DEAF1: variants seen among roughly 807,000 people sequenced by gnomAD.
DEAF1 encodes the protein DEAF1 transcription factor.
A neutral mutation model predicts 58.9 loss-of-function variants in DEAF1; 53 were observed. That is an observed-to-expected ratio of 0.90 (90% CI 0.72 to 1.13). The LOEUF is 1.13. DEAF1 is among the 50% of genes most tolerant of loss of function. The pLI is 0.00. For missense variants in DEAF1, 685 were observed against 791.4 expected, an observed-to-expected ratio of 0.87 and a Z score of 1.61; for synonymous variants, 385 against 340.4, an observed-to-expected ratio of 1.13 and a Z score of -1.44.
chr11:693,240 G>C (rs1339547266), intron 1 of DEAF1, among the ~76,000 whole-genome samples: 1 of 152,172 alleles, frequency 6.6e-6, no homozygotes, highest in Non-Finnish European at 1.5e-5. Flanking sequence ...GTGCAAAAAT[G>C]ACAAAAACCT....
rs899164495 is a variant in DEAF1 at position 679,597 on chromosome 11, C to G, written c.1126+91G>C. The G allele has an allele frequency of 3.2e-6, 5 of 1,583,980 alleles. No individual in the cohort carries two copies. In the East Asian group the frequency reaches 1.1e-4, roughly 35 times the overall value. ...TCAAGGCCCCTCTCGAGGCACCCAGCAGCCTATGCAGCCCAATGTGGCGTC... is the reference window on the plus strand; with the variant it reads ...TCAAGGCCCCTCTCGAGGCACCCAGGAGCCTATGCAGCCCAATGTGGCGTC... On this transcript the variant is annotated intron_variant, in intron 8 of 11. Transcript: ENST00000382409.
chr11:677,521 G>A (rs527608789), intron 9 of DEAF1, among the ~76,000 whole-genome samples: 1 of 106,542 alleles, frequency 9.4e-6, no homozygotes, highest in South Asian at 3.6e-4. Context: ...AATGAAACAA[G>A]CAAATGAAAA....
chr11:670,931 G>GTTTTTT (rs558436376), intron 10 of DEAF1, among the ~76,000 whole-genome samples: 42,940 of 90,540 alleles, frequency 0.47, 12,782 homozygotes, highest in East Asian at 0.73. Context: ...CCTGGCTAAT[G>GTTTTTT]TTTTTTTTTT....
At chr11:699,921 A>G, upstream of DEAF1, 1 of 550,316 alleles carries the variant, frequency 1.8e-6, no homozygotes, top group Non-Finnish European at 3.3e-6. Context: ...TTGTTGTGGC[A>G]TGGAGGGGGG....
chr11:660,927 C>T (rs1231070833), intron 10 of DEAF1, among the ~76,000 whole-genome samples: 1 of 152,214 alleles, frequency 6.6e-6, no homozygotes, highest in Non-Finnish European at 1.5e-5. Flanking sequence ...AGCGGCTGCT[C>T]TGGGGTCTGT....
At chr11:702,663 AC>A (rs1186662576) in intron 1 of DEAF1, among the ~76,000 whole-genome samples, 2 of 152,130 alleles carry the variant, frequency 1.3e-5, no homozygotes, top group African/African-American at 2.4e-5. Flanking sequence ...AACCAAATTC[AC>A]CCCCGCCCAC....
rs751217884 is a variant in DEAF1 at position 688,447 on chromosome 11, G to C, written c.401C>G (p.Ala134Gly). The C allele has an allele frequency of 1.2e-6, 2 of 1,613,796 alleles. No homozygotes were observed. Among genetic ancestry groups the C allele is most frequent in the Non-Finnish European group, 1.7e-6 (2 of 1,180,020 alleles). Reference protein sequence around the residue: ...ISGHVLSGRTALQIGDSLNTE... With the variant: ...ISGHVLSGRTGLQIGDSLNTE... The stretch of plus-strand genomic sequence containing the variant: ...GTTCAGGCTGTCCCCGATCTGAAGG[G>C]CCGTCCTACCAGACTAGAAGGAAAA... The change falls in exon 3 of 12, where the codon GCC (alanine) becomes GGC (glycine). Residue 134 changes from alanine (A) to glycine (G), a missense_variant. Ala to Gly is a moderately conservative substitution (Grantham distance 60). Around this residue, in one of 3 missense-constraint regions of DEAF1, gnomAD observed 132 missense variants for 234.3 expected, o/e 0.56. Coordinates refer to ENST00000382409, the MANE Select transcript of DEAF1 (RefSeq NM_021008.4). This position sits in a 1 kb window ranked among gnomAD's most constrained non-coding sequence, Gnocchi z 4.3.
intron 11 of DEAF1, among the ~76,000 whole-genome samples, chr11:653,283 C>G (rs190953466): frequency 1.6e-3 from 206 of 130,514 alleles, no homozygotes; most frequent in Non-Finnish European, 2.0e-3. Context: ...GTGGAGGGCT[C>G]AATAATAGAG....
At chr11:702,489 C>T (rs749251155) in intron 1 of DEAF1, among the ~76,000 whole-genome samples, 1 of 152,158 alleles carries the variant, frequency 6.6e-6, no homozygotes, top group Non-Finnish European at 1.5e-5. Flanking sequence ...GTGACTGACC[C>T]ATTTGTTTGC....
intron 10 of DEAF1, among the ~76,000 whole-genome samples, chr11:663,673 A>G (rs1283116613): frequency 6.7e-6 from 1 of 149,270 alleles, no homozygotes; most frequent in Non-Finnish European, 1.5e-5. Flanking sequence ...TTCCTCCTCC[A>G]ACTCCTCAGC....
intron 7 of DEAF1, 67 bp from the exon 8 acceptor site, chr11:679,883 AC>A: frequency 6.2e-7 from 1 of 1,600,284 alleles, no homozygotes; most frequent in African/African-American, 1.3e-5. Flanking sequence ...GTCCCGTGCC[AC>A]CCACGGGCGC....
upstream of DEAF1, chr11:695,720 C>T (rs1400356506): frequency 8.1e-7 from 1 of 1,240,672 alleles, no homozygotes. Context: ...CGAAACGCGG[C>T]GCGGTCGGGC....
intron 10 of DEAF1, among the ~76,000 whole-genome samples, chr11:672,616 G>A (rs1226299505): frequency 1.3e-5 from 2 of 152,218 alleles, no homozygotes; most frequent in Non-Finnish European, 2.9e-5. Flanking sequence ...GGAGACTGAG[G>A]TGGGTGAATC....
At chr11:697,395 G>A (rs1254375645), upstream of DEAF1, 1 of 152,234 alleles carries the variant, frequency 6.6e-6, no homozygotes, top group Non-Finnish European at 1.5e-5. Context: ...ATTATAGTAA[G>A]TCACTGACAA....
At chr11:685,573 T>C (rs929507374) in intron 5 of DEAF1, among the ~76,000 whole-genome samples, 1 of 151,962 alleles carries the variant, frequency 6.6e-6, no homozygotes, top group Non-Finnish European at 1.5e-5. Context: ...CGCATGCCCA[T>C]AGTCCCAGCT....
intron 10 of DEAF1, among the ~76,000 whole-genome samples, chr11:669,834 G>A (rs972832521): frequency 2.0e-5 from 3 of 150,882 alleles, no homozygotes; most frequent in African/African-American, 7.3e-5. Flanking sequence ...GGAGGCTGAG[G>A]CAGGAGAATC....
chr11:704,454 G>C, intron 1 of DEAF1: 1 of 1,289,328 alleles, frequency 7.8e-7, no homozygotes, highest in African/African-American at 1.5e-5. Flanking sequence ...GCCACGGTGA[G>C]CTGCAGGACA....
At chr11:662,443 T>C (rs1859359240) in intron 10 of DEAF1, among the ~76,000 whole-genome samples, 1 of 152,194 alleles carries the variant, frequency 6.6e-6, no homozygotes, top group Non-Finnish European at 1.5e-5. Flanking sequence ...TTCATCCTAC[T>C]GTTGTGGGGA....
intron 1 of DEAF1, chr11:694,402 A>C: frequency 6.9e-6 from 1 of 144,578 alleles, no homozygotes. Flanking sequence ...GCAGGTGGGG[A>C]AGGCTGGAAA....
Sources: gnomAD v4.1 joint callset for allele counts (sites outside exome capture counted in the v4.1 genomes callset) on GRCh38, gnomAD v4.1.1 for gene constraint, gnomAD v4.1.1 regional missense constraint, Gnocchi (gnomAD v3.1) non-coding constraint, MANE v1.5 for transcripts, NCBI Gene and HGNC (gene_info 2026-07-23, HGNC 2026-07-21) for gene names.